Variants in CHLSN observed in about 807,000 individuals in gnomAD.
CHLSN encodes the protein cholesin, also known as protein cholesin.
the CHLSN span, among the ~76,000 whole-genome samples, chr7:1,023,287 C>T: frequency 2.6e-5 from 4 of 152,172 alleles, no homozygotes; most frequent in East Asian, 1.9e-4. The surrounding 1 kb of genome is among the most constrained non-coding windows in gnomAD (Gnocchi z 5.0). Context: ...ACAGATGGCA[C>T]GGGGAGCGCC....
the CHLSN span, among the ~76,000 whole-genome samples, chr7:1,084,414 ATG>A: frequency 1.3e-5 from 2 of 152,216 alleles, no homozygotes; most frequent in African/African-American, 4.8e-5. Context: ...GTCTTCCAGC[ATG>A]TGTTAGCTCT....
the CHLSN span, among the ~76,000 whole-genome samples, chr7:1,012,888 T>G: frequency 0.16 from 24,246 of 152,278 alleles, 2,087 homozygotes; most frequent in Admixed American, 0.22. Context: ...CTCACTGTCC[T>G]GGACCAGGCA....
chr7:1,011,243 C>A, the CHLSN span, among the ~76,000 whole-genome samples: 1 of 144,436 alleles, frequency 6.9e-6, no homozygotes, highest in Admixed American at 6.8e-5. Flanking sequence ...CACCCACATA[C>A]CCACCCACCC....
At chr7:978,620 A>C in the CHLSN span, among the ~76,000 whole-genome samples, 1 of 152,254 alleles carries the variant, frequency 6.6e-6, no homozygotes, top group Non-Finnish European at 1.5e-5. Context: ...AGCCTGGAGC[A>C]GTGCCTGGCA....
chr7:1,107,389 C>T, the CHLSN span, among the ~76,000 whole-genome samples: 2 of 152,152 alleles, frequency 1.3e-5, no homozygotes, highest in African/African-American at 4.8e-5. Flanking sequence ...TACACAGAAG[C>T]CAGTGACTGT....
At chr7:987,858 C>T in the CHLSN span, among the ~76,000 whole-genome samples, 362 of 151,488 alleles carry the variant, frequency 2.4e-3, 2 homozygotes, top group African/African-American at 8.4e-3. Flanking sequence ...GGGGGGTCCC[C>T]TCTGTGTGTC....
chr7:1,032,215 G>A, the CHLSN span, among the ~76,000 whole-genome samples: 2 of 152,184 alleles, frequency 1.3e-5, no homozygotes, highest in Non-Finnish European at 2.9e-5. Flanking sequence ...GCCCCAACAC[G>A]TCCCTCGCAC....
At chr7:1,102,377 G>A in the CHLSN span, among the ~76,000 whole-genome samples, 281 of 152,322 alleles carry the variant, frequency 1.8e-3, no homozygotes, top group Admixed American at 3.9e-3. Context: ...AGAAGAGGAG[G>A]GGGAGAAGAA....
chr7:1,057,973 G>A, the CHLSN span: 1 of 771,100 alleles, frequency 1.3e-6, no homozygotes, highest in Non-Finnish European at 2.4e-6. Context: ...TTCGTGTGGG[G>A]TGGCGCGCTG....
At chr7:1,018,979 T>A in the CHLSN span, among the ~76,000 whole-genome samples, 2 of 152,002 alleles carry the variant, frequency 1.3e-5, no homozygotes, top group Admixed American at 6.6e-5. Flanking sequence ...GTGGATCATC[T>A]GAGTCAGGAG....
At chr7:1,094,505 C>T in the CHLSN span, among the ~76,000 whole-genome samples, 1 of 152,208 alleles carries the variant, frequency 6.6e-6, no homozygotes, top group Non-Finnish European at 1.5e-5. Context: ...TTAAAGAAAA[C>T]ATCTGCAAAA....
the CHLSN span, among the ~76,000 whole-genome samples, chr7:1,086,440 A>C: frequency 6.6e-6 from 1 of 152,240 alleles, no homozygotes; most frequent in African/African-American, 2.4e-5. Context: ...GGTACATATT[A>C]GAGTTGTCAA....
the CHLSN span, chr7:1,058,071 G>A: frequency 5.2e-6 from 4 of 767,580 alleles, no homozygotes; most frequent in Admixed American, 1.7e-5. Flanking sequence ...GAACGCAGAA[G>A]CTGCCGACGC....
At chr7:1,073,363 G>C in the CHLSN span, among the ~76,000 whole-genome samples, 7 of 152,064 alleles carry the variant, frequency 4.6e-5, no homozygotes, top group Non-Finnish European at 8.8e-5. Context: ...ACAAGTGGCC[G>C]GCAGCTACTC....
At chr7:1,063,321 C>T in the CHLSN span, among the ~76,000 whole-genome samples, 1 of 152,232 alleles carries the variant, frequency 6.6e-6, no homozygotes, top group African/African-American at 2.4e-5. Context: ...GCAACATAAG[C>T]AAGCCCCTGG....
At chr7:1,091,822 A>T in the CHLSN span, 2 of 1,600,230 alleles carry the variant, frequency 1.2e-6, no homozygotes, top group Non-Finnish European at 1.7e-6. Context: ...CCCCGAGCTC[A>T]ACCTGTCCCA....
chr7:1,005,666 C>A, the CHLSN span, among the ~76,000 whole-genome samples: 2 of 152,246 alleles, frequency 1.3e-5, no homozygotes, highest in Non-Finnish European at 2.9e-5. Flanking sequence ...GGGTTCCAGG[C>A]CCGGAGGCCA....
chr7:1,070,728 A>G, the CHLSN span, among the ~76,000 whole-genome samples: 3 of 150,442 alleles, frequency 2.0e-5, no homozygotes, highest in South Asian at 6.3e-4. Context: ...ACGCGCACAC[A>G]TGCACGCACA....
the CHLSN span, among the ~76,000 whole-genome samples, chr7:1,121,959 T>TGC: frequency 6.6e-6 from 1 of 152,150 alleles, no homozygotes; most frequent in South Asian, 2.1e-4. Context: ...GGCAGCGTGC[T>TGC]GCACACACCC....
Sources: gnomAD v4.1 joint callset for allele counts (sites outside exome capture counted in the v4.1 genomes callset) on GRCh38, gnomAD v4.1.1 for gene constraint, Gnocchi (gnomAD v3.1) non-coding constraint, MANE v1.5 for transcripts, NCBI Gene and HGNC (gene_info 2026-07-23, HGNC 2026-07-21) for gene names.